Variants in MMP16 observed in about 807,000 individuals in gnomAD.
MMP16 encodes the protein matrix metalloproteinase-16.
MMP16 carries 12 observed loss-of-function variants against 67.8 expected under a neutral mutation model. The observed-to-expected ratio is 0.18, with a 90% CI of 0.11 to 0.29. The LOEUF (loss-of-function observed/expected upper bound fraction) is 0.29. Ranked by LOEUF, MMP16 falls within the 10% of genes least tolerant of loss-of-function variation. MMP16 has a pLI of 1.00. For synonymous variants in MMP16, 249 were observed against 255.9 expected (o/e 0.97, Z 0.26); for missense variants, 475 against 765.7 (o/e 0.62, Z 4.48).
chr8:88,263,048 A>AAAT (rs1181155988), intron 1 of MMP16, among the ~76,000 whole-genome samples: 216 of 132,308 alleles, frequency 1.6e-3, no homozygotes, highest in African/African-American at 6.4e-3. Flanking sequence ...ATAAATAAAT[A>AAAT]AAATAAAAAA....
At chr8:88,256,758 TC>T (rs1187842313) in intron 1 of MMP16, among the ~76,000 whole-genome samples, 1 of 151,552 alleles carries the variant, frequency 6.6e-6, no homozygotes, top group East Asian at 1.9e-4. Flanking sequence ...ACTCAGAGGG[TC>T]CCTGGTTTAT....
At chr8:88,055,405 G>A (rs28991903) in intron 8 of MMP16, among the ~76,000 whole-genome samples, 1,856 of 152,006 alleles carry the variant, frequency 0.012, 24 homozygotes, top group South Asian at 0.023. Context: ...ACGGGGTTTC[G>A]CCATGTTGGC....
chr8:88,098,717 A>G (rs528964381), intron 6 of MMP16, among the ~76,000 whole-genome samples: 19 of 152,116 alleles, frequency 1.2e-4, no homozygotes, highest in African/African-American at 4.6e-4. Context: ...TTCATTGTCT[A>G]TTGTGAACAC....
intron 4 of MMP16, among the ~76,000 whole-genome samples, chr8:88,152,013 A>C (rs1808418522): frequency 1.4e-5 from 1 of 70,066 alleles, no homozygotes. Context: ...TAGACACAAT[A>C]AAAAATGATA....
intron 1 of MMP16, among the ~76,000 whole-genome samples, chr8:88,243,362 C>A (rs751245333): frequency 6.6e-6 from 1 of 152,128 alleles, no homozygotes; most frequent in Non-Finnish European, 1.5e-5. Context: ...GGAAGGGAGA[C>A]GGAAGCCTCC....
At position 88,257,116 on chromosome 8, in the gene MMP16, A is replaced by C. The variant is rs147742811; in HGVS notation, c.133-59810T>G. Reference sequence around the variant, plus strand: ...TTAACAGTTGTTCTTTGAACACTTCATAAGGCTGAACATATTGTTATTTCA... The same window carrying C: ...TTAACAGTTGTTCTTTGAACACTTCCTAAGGCTGAACATATTGTTATTTCA... On this transcript the variant is annotated intron_variant, in intron 1 of 9. Coordinates refer to ENST00000286614, the MANE Select transcript of MMP16 (RefSeq NM_005941.5). Among the ~76,000 whole-genome samples, 29 of 152,296 alleles carry C rather than the reference A, an allele frequency of 1.9e-4. 2 individuals are homozygous for C. The highest frequency in any genetic ancestry group is 3.4e-3 in the Middle Eastern group (1 of 294).
intron 6 of MMP16, among the ~76,000 whole-genome samples, chr8:88,086,908 C>T (rs1375905961): frequency 6.6e-6 from 1 of 151,850 alleles, no homozygotes; most frequent in East Asian, 1.9e-4. Context: ...GACTGTACCC[C>T]TTAACCCTGG....
chr8:88,178,988 G>A (rs1233483961), intron 3 of MMP16, among the ~76,000 whole-genome samples: 1 of 151,736 alleles, frequency 6.6e-6, no homozygotes, highest in Admixed American at 6.6e-5. Context: ...TCCAAGAACT[G>A]GAGAGAAAAT....
Position 88,056,171 on chromosome 8 carries a change from A to G in MMP16, c.1330T>C (p.Trp444Arg). 1 of 1,593,382 alleles carries G rather than the reference A, an allele frequency of 6.3e-7. No homozygotes were observed. The change falls in exon 8 of 10, where the codon TGG becomes CGG. Residue 444 changes from tryptophan (W) to arginine (R), a missense_variant. Physicochemically the swap from Trp to Arg is moderately radical, Grantham distance 101 (BLOSUM62 -3). This residue lies in a region of MMP16 where 195 missense variants were observed against 300.9 expected (regional missense o/e 0.65). Transcript: ENST00000286614. The part of the protein sequence containing the change: ...IPPHGIDSAI[W>R]WEDVGKTYFF... The stretch of plus-strand genomic sequence containing the variant: ...TAGGTTTTCCCGACGTCCTCCCACC[A>G]AATGGCTGAATCAATACCATGAGGG...
intron 1 of MMP16, among the ~76,000 whole-genome samples, chr8:88,281,903 C>T (rs558589366): frequency 7.9e-5 from 12 of 152,294 alleles, no homozygotes; most frequent in Middle Eastern, 3.4e-3. Context: ...ACAAGCTCTT[C>T]TATGTCCACA....
chr8:88,272,396 C>A (rs539211471), intron 1 of MMP16, among the ~76,000 whole-genome samples: 1 of 152,130 alleles, frequency 6.6e-6, no homozygotes, highest in Non-Finnish European at 1.5e-5. Context: ...TGTGCTATAA[C>A]AGAATCCAGT....
intron 4 of MMP16, among the ~76,000 whole-genome samples, chr8:88,121,318 A>G (rs1051499791): frequency 1.3e-5 from 2 of 151,948 alleles, no homozygotes; most frequent in African/African-American, 4.8e-5. Context: ...CCTGTCGAGT[A>G]CTCTACAGCA....
chr8:88,228,118 C>T (rs540809767), intron 1 of MMP16, among the ~76,000 whole-genome samples: 2 of 152,136 alleles, frequency 1.3e-5, no homozygotes, highest in South Asian at 4.1e-4. Flanking sequence ...TAAAACATTA[C>T]AATCGTCAAT....
In MMP16 at chr8:88,153,156, A is replaced by G. The variant is rs1808438816; in HGVS notation, c.709+14513T>C. On this transcript the variant is annotated intron_variant, in intron 4 of 9. Coordinates refer to ENST00000286614, the MANE Select transcript of MMP16 (RefSeq NM_005941.5). ...TAAAATACCTAGGAATCCAACTTAC[A>G]AGGGATGTGAAGGACCTCTTCAAGG... Among the ~76,000 whole-genome samples, 4 of 147,964 alleles carry G rather than the reference A, an allele frequency of 2.7e-5. No homozygotes were observed. In the South Asian group the frequency reaches 8.8e-4, roughly 33 times the overall value.
intron 4 of MMP16, among the ~76,000 whole-genome samples, chr8:88,130,388 T>C (rs1181056625): frequency 6.6e-6 from 1 of 151,752 alleles, no homozygotes; most frequent in African/African-American, 2.4e-5. Context: ...GTAACCTAAG[T>C]GTCTTCCTTA....
intron 1 of MMP16, among the ~76,000 whole-genome samples, chr8:88,231,915 T>C (rs982833730): frequency 1.3e-5 from 2 of 152,188 alleles, no homozygotes; most frequent in Non-Finnish European, 2.9e-5. Flanking sequence ...TTCCCATTCA[T>C]TATCCTATCT....
At chr8:88,226,778 C>G (rs1809776531) in intron 1 of MMP16, among the ~76,000 whole-genome samples, 1 of 151,958 alleles carries the variant, frequency 6.6e-6, no homozygotes, top group South Asian at 2.1e-4. Flanking sequence ...TTCAGTTGAC[C>G]ATTCTGGTCA....
At chr8:88,287,259 C>T (rs1032979326) in intron 1 of MMP16, among the ~76,000 whole-genome samples, 2 of 152,180 alleles carry the variant, frequency 1.3e-5, no homozygotes, top group African/African-American at 4.8e-5. Context: ...GACCTTTTTC[C>T]AGCCCTTTGT....
At chr8:88,220,579 G>T (rs2129844217) in intron 1 of MMP16, among the ~76,000 whole-genome samples, 1 of 151,908 alleles carries the variant, frequency 6.6e-6, no homozygotes, top group East Asian at 1.9e-4. Flanking sequence ...TACACCATCA[G>T]CATGTATCTC....
Sources: allele counts gnomAD v4.1 joint callset (sites outside exome capture counted in the v4.1 genomes callset), GRCh38; gene constraint gnomAD v4.1.1; regional missense constraint gnomAD v4.1.1; transcripts MANE v1.5; gene names NCBI Gene and HGNC (gene_info 2026-07-23, HGNC 2026-07-21).